Variants in SLC30A6 observed in about 807,000 individuals in gnomAD.
SLC30A6 encodes zinc transporter 6.
Under a neutral mutation model 63.0 loss-of-function variants are expected in SLC30A6, and 55 were observed. The observed-to-expected ratio is 0.87, with a 90% confidence interval of 0.70 to 1.09. The LOEUF (loss-of-function observed/expected upper bound fraction) is 1.09, where lower values mean the gene tolerates loss of function less well. Ranked by LOEUF, SLC30A6 falls within the 50% of genes least tolerant of loss-of-function variation. The pLI, the probability that SLC30A6 is intolerant of heterozygous loss-of-function variation, is 0.00. For missense variants in SLC30A6, 587 were observed against 549.2 expected, an observed-to-expected ratio of 1.07 and a Z score of -0.69; for synonymous variants, 224 against 186.1, an observed-to-expected ratio of 1.20 and a Z score of -1.66.
intron 1 of SLC30A6, among the ~76,000 whole-genome samples, chr2:32,167,233 G>T (rs1355793969): frequency 6.6e-6 from 1 of 151,994 alleles, no homozygotes; most frequent in Non-Finnish European, 1.5e-5. Context: ...GCGCCACCAC[G>T]CCTGGCTAAT....
intron 13 of SLC30A6, among the ~76,000 whole-genome samples, chr2:32,213,826 C>T (rs1438525485): frequency 1.0e-5 from 1 of 99,200 alleles, no homozygotes; most frequent in Middle Eastern, 0.01. Flanking sequence ...TGTTTTGAGA[C>T]GGAGTCTCAC....
intron 4 of SLC30A6, among the ~76,000 whole-genome samples, chr2:32,178,104 C>A (rs992126523): frequency 6.6e-6 from 1 of 151,792 alleles, no homozygotes; most frequent in Non-Finnish European, 1.5e-5. Context: ...CCCGCCACCA[C>A]GCTTGGCTAA....
intron 4 of SLC30A6, among the ~76,000 whole-genome samples, chr2:32,177,228 A>G (rs190692136): frequency 3.9e-5 from 6 of 152,296 alleles, no homozygotes; most frequent in African/African-American, 9.6e-5. Flanking sequence ...GACATGTCAT[A>G]TAAGTGGAAT....
intron 11 of SLC30A6, among the ~76,000 whole-genome samples, chr2:32,206,182 C>T (rs2148887040): frequency 1.3e-5 from 2 of 151,588 alleles, no homozygotes; most frequent in East Asian, 3.9e-4. Flanking sequence ...CGCGGTGGCT[C>T]ATGCCTGTAA....
In SLC30A6 at chr2:32,174,472, C is replaced by T. The variant is rs557146549; in HGVS notation, c.175+325C>T. Among the ~76,000 whole-genome samples the T allele has an allele frequency of 9.5e-4, 143 of 151,196 alleles. 2 individuals are homozygous for T. Among genetic ancestry groups the T allele is most frequent in the Non-Finnish European group, 2.5e-4 (17 of 67,942 alleles). ...CCTCCCAGAGTGCTGGGATTACAGG[C>T]GTAAGCCACAATGCCTGGCCATTTT... On this transcript the variant is annotated intron_variant, in intron 3 of 13. Coordinates refer to ENST00000282587, the MANE Select transcript of SLC30A6 (RefSeq NM_017964.5).
chr2:32,183,687 C>CAAAA (rs564803931), intron 4 of SLC30A6, among the ~76,000 whole-genome samples: 1 of 110,098 alleles, frequency 9.1e-6, no homozygotes, highest in Non-Finnish European at 1.9e-5. Context: ...GACTCTGTCT[C>CAAAA]AAAAAAAAAA....
intron 12 of SLC30A6, among the ~76,000 whole-genome samples, chr2:32,209,009 A>G (rs1429588292): frequency 6.6e-6 from 1 of 152,210 alleles, no homozygotes; most frequent in Non-Finnish European, 1.5e-5. Flanking sequence ...CAACTGTACC[A>G]GTGGGCTACA....
Position 32,179,419 on chromosome 2 carries a change from A to AGGG in SLC30A6, c.218+4058_218+4059insGGG, listed in dbSNP as rs1558379628. Among the ~76,000 whole-genome samples, 10 of 152,306 alleles carry AGGG rather than the reference A, an allele frequency of 6.6e-5. No homozygotes were observed. In the South Asian group the frequency reaches 2.1e-3, roughly 32 times the overall value. ...ATGTATACCCCATATTTTGGTATGT[A>AGGG]TATATCATAGAATTCTCAAACTTGA... On this transcript the variant is annotated intron_variant, in intron 4 of 13. Coordinates refer to ENST00000282587, the MANE Select transcript of SLC30A6 (RefSeq NM_017964.5).
intron 1 of SLC30A6, among the ~76,000 whole-genome samples, chr2:32,166,635 G>A (rs942901427): frequency 6.6e-6 from 1 of 152,200 alleles, no homozygotes; most frequent in African/African-American, 2.4e-5. Flanking sequence ...TGTCCAAGTG[G>A]CGTGTGCCTT....
At chr2:32,219,125 C>T (rs190967417) in intron 13 of SLC30A6, among the ~76,000 whole-genome samples, 1 of 152,094 alleles carries the variant, frequency 6.6e-6, no homozygotes, top group Non-Finnish European at 1.5e-5. Flanking sequence ...CCTCCGCCTC[C>T]CAGGTTCAAG....
intron 10 of SLC30A6, among the ~76,000 whole-genome samples, chr2:32,201,029 A>G (rs1356822144): frequency 6.6e-6 from 1 of 151,950 alleles, no homozygotes; most frequent in African/African-American, 2.4e-5. Context: ...TCACTTGCCT[A>G]TCTTTGAAGT....
intron 10 of SLC30A6, chr2:32,202,919 G>A: frequency 9.1e-7 from 1 of 1,098,490 alleles, no homozygotes. Flanking sequence ...ATTGGTCTCA[G>A]AGGCCAGCAG....
intron 4 of SLC30A6, among the ~76,000 whole-genome samples, chr2:32,177,856 C>T (rs1681913492): frequency 6.6e-6 from 1 of 151,700 alleles, no homozygotes; most frequent in South Asian, 2.1e-4. Flanking sequence ...CTCGAACTCC[C>T]AAACTCAAGT....
chr2:32,219,459 G>C (rs979761596), intron 13 of SLC30A6, among the ~76,000 whole-genome samples: 1 of 150,286 alleles, frequency 6.7e-6, no homozygotes, highest in Non-Finnish European at 1.5e-5. Context: ...TTTCAAGATA[G>C]GATATCACTC....
rs144517725 is a variant in SLC30A6, at chr2:32,213,953, C to T, written c.885+4392C>T. On this transcript the variant is annotated intron_variant, in intron 13 of 13. Coordinates refer to ENST00000282587, the MANE Select transcript of SLC30A6 (RefSeq NM_017964.5). The stretch of plus-strand genomic sequence containing the variant: ...CAAGTAGATAAAAACTAGAAAGAAG[C>T]TATCTGTGAAACTGCTTTGTGATGT... 7.2e-4 allele frequency among the ~76,000 whole-genome samples: 110 copies of T among 152,082 alleles called. 1 individual carries two copies. The East Asian group carries it at 0.018, about 24-fold the overall frequency.
At chr2:32,216,516 A>G (rs886382565) in intron 13 of SLC30A6, among the ~76,000 whole-genome samples, 2 of 150,658 alleles carry the variant, frequency 1.3e-5, no homozygotes, top group Non-Finnish European at 2.9e-5. Context: ...AGCCTGGGCA[A>G]GAGAGCAAGA....
chr2:32,223,780 G>A lies in SLC30A6; in HGVS notation c.*3067G>A, dbSNP rs186470412. The A allele has an allele frequency of 1.1e-4, 16 of 152,244 alleles. No homozygotes were observed. The East Asian group carries it at 2.7e-3, about 26-fold the overall frequency. 9.4% of individuals were successfully genotyped at this position (152,244 alleles called of 1,614,324 possible). ...TAGACTTCTTTCTTTGTAAGGAAGG[G>A]TTATTTGGGGAAGTGTTGGAAAAAA... is the stretch of plus-strand genomic sequence containing the variant. On this transcript the variant is annotated 3_prime_UTR_variant, in exon 14 of 14. Transcript: ENST00000282587.
At chr2:32,187,078 A>T in intron 5 of SLC30A6, 1 of 431,228 alleles carries the variant, frequency 2.3e-6, no homozygotes, top group Non-Finnish European at 4.8e-6. Flanking sequence ...TTATGTAACC[A>T]AACTACTGTG....
chr2:32,184,067 G>T (rs1378258866), intron 4 of SLC30A6, among the ~76,000 whole-genome samples: 1 of 152,030 alleles, frequency 6.6e-6, no homozygotes, highest in Non-Finnish European at 1.5e-5. Flanking sequence ...AATCTTCCAA[G>T]TATACCACAT....
Sources: gnomAD v4.1 joint callset for allele counts (sites outside exome capture counted in the v4.1 genomes callset) on GRCh38, gnomAD v4.1.1 for gene constraint, MANE v1.5 for transcripts, NCBI Gene and HGNC (gene_info 2026-07-23, HGNC 2026-07-21) for gene names.